The following SLC24A2 variants were observed in gnomAD, a reference collection of about 807,000 sequenced individuals.
SLC24A2 encodes solute carrier family 24 member 2.
Under a neutral mutation model 62.0 loss-of-function variants are expected in SLC24A2, and 36 were observed. The ratio of observed to expected loss-of-function variants is 0.58; its 90% CI spans 0.44 to 0.77. SLC24A2 has a LOEUF of 0.77. SLC24A2 is among the 30% of genes least tolerant of loss of function. SLC24A2 has a pLI of 0.00. For synonymous variants in SLC24A2, 358 were observed against 294.0 expected (o/e 1.22, Z -2.23); for missense variants, 846 against 817.9 (o/e 1.03, Z -0.42).
the SLC24A2 span, among the ~76,000 whole-genome samples, chr9:19,803,541 G>A: frequency 2.6e-5 from 4 of 152,034 alleles, no homozygotes; most frequent in African/African-American, 9.7e-5. Context: ...TAAAAAATCT[G>A]GATATTTTAA....
chr9:19,577,767 A>G (rs2132854900), intron 5 of SLC24A2, among the ~76,000 whole-genome samples: 1 of 151,700 alleles, frequency 6.6e-6, no homozygotes, highest in African/African-American at 2.4e-5. Flanking sequence ...ACAGTTGCAA[A>G]GTGGTGGAAC....
the SLC24A2 span, among the ~76,000 whole-genome samples, chr9:19,989,938 C>T: frequency 6.6e-6 from 1 of 152,038 alleles, no homozygotes; most frequent in Non-Finnish European, 1.5e-5. Context: ...CAGGTAAGTG[C>T]CTAGAATGTC....
the SLC24A2 span, among the ~76,000 whole-genome samples, chr9:20,030,697 C>G: frequency 6.6e-6 from 1 of 152,182 alleles, no homozygotes; most frequent in Non-Finnish European, 1.5e-5. Context: ...TCTGTAAATA[C>G]TACCTCATTT....
the SLC24A2 span, among the ~76,000 whole-genome samples, chr9:20,070,405 T>G: frequency 2.6e-5 from 4 of 152,226 alleles, no homozygotes; most frequent in Non-Finnish European, 4.4e-5. Flanking sequence ...CTCTTATCAT[T>G]GTAAAAATAA....
At chr9:19,595,786 G>C (rs72700502) in intron 5 of SLC24A2, among the ~76,000 whole-genome samples, 1 of 152,194 alleles carries the variant, frequency 6.6e-6, no homozygotes, top group Non-Finnish European at 1.5e-5. Flanking sequence ...TAATGGACAG[G>C]ATGGAGGAAA....
At chr9:19,770,436 A>G (rs1822651245) in intron 2 of SLC24A2, among the ~76,000 whole-genome samples, 1 of 152,166 alleles carries the variant, frequency 6.6e-6, no homozygotes, top group Non-Finnish European at 1.5e-5. Flanking sequence ...AATCCTTTCT[A>G]TAAAGACTAT....
At chr9:20,236,123 A>G in the SLC24A2 span, among the ~76,000 whole-genome samples, 1 of 152,218 alleles carries the variant, frequency 6.6e-6, no homozygotes, top group Non-Finnish European at 1.5e-5. Context: ...TTAATAAAGT[A>G]TCTATCAGCA....
chr9:20,079,193 A>G, the SLC24A2 span, among the ~76,000 whole-genome samples: 1 of 152,304 alleles, frequency 6.6e-6, no homozygotes, highest in South Asian at 2.1e-4. Context: ...TGGAAGAGGC[A>G]AGGAGGGATG....
chr9:19,970,727 C>T, the SLC24A2 span, among the ~76,000 whole-genome samples: 1 of 152,122 alleles, frequency 6.6e-6, no homozygotes, highest in African/African-American at 2.4e-5. Flanking sequence ...AAAAATGAAT[C>T]TATTTTCTGT....
At chr9:20,106,138 A>T in the SLC24A2 span, among the ~76,000 whole-genome samples, 1 of 152,352 alleles carries the variant, frequency 6.6e-6, no homozygotes, top group Non-Finnish European at 1.5e-5. Context: ...CCCTCCCAAG[A>T]CTAAACCAGG....
chr9:19,868,453 T>C, the SLC24A2 span, among the ~76,000 whole-genome samples: 1 of 152,224 alleles, frequency 6.6e-6, no homozygotes, highest in Non-Finnish European at 1.5e-5. Flanking sequence ...GAATTTGCCT[T>C]CTGCAGTCAC....
At chr9:19,827,261 T>C in the SLC24A2 span, among the ~76,000 whole-genome samples, 119,106 of 151,932 alleles carry the variant, frequency 0.78, 49,946 homozygotes, top group Non-Finnish European at 0.94. Context: ...TATGAAGCTC[T>C]GATTAGGTTC....
At chr9:20,159,513 T>C in the SLC24A2 span, among the ~76,000 whole-genome samples, 1 of 151,612 alleles carries the variant, frequency 6.6e-6, no homozygotes, top group Non-Finnish European at 1.5e-5. Context: ...TGATAGAGCA[T>C]ATAACAGATT....
At chr9:20,277,987 C>A in the SLC24A2 span, among the ~76,000 whole-genome samples, 2 of 151,918 alleles carry the variant, frequency 1.3e-5, no homozygotes, top group African/African-American at 4.8e-5. Context: ...ACCACAAAGA[C>A]AGAAAACCAA....
the SLC24A2 span, among the ~76,000 whole-genome samples, chr9:19,963,330 A>G: frequency 2.6e-5 from 4 of 151,528 alleles, no homozygotes; most frequent in Middle Eastern, 3.2e-3. Flanking sequence ...TGTCTAAAAC[A>G]CCAAAAGCAA....
At chr9:19,546,822 T>G (rs1834600986) in intron 8 of SLC24A2, among the ~76,000 whole-genome samples, 1 of 152,132 alleles carries the variant, frequency 6.6e-6, no homozygotes, top group African/African-American at 2.4e-5. Context: ...CCCAGGACAC[T>G]GGAGGGTATC....
At chr9:20,215,316 C>T in the SLC24A2 span, among the ~76,000 whole-genome samples, 6 of 152,280 alleles carry the variant, frequency 3.9e-5, no homozygotes, top group Middle Eastern at 3.4e-3. Flanking sequence ...AGAATTTCAA[C>T]GTATGAATTT....
chr9:19,791,131 G>C (rs1823315397), upstream of SLC24A2, among the ~76,000 whole-genome samples: 1 of 152,190 alleles, frequency 6.6e-6, no homozygotes, highest in Non-Finnish European at 1.5e-5. Context: ...TTATAAAATA[G>C]CTTCAAGATG....
the SLC24A2 span, among the ~76,000 whole-genome samples, chr9:20,038,497 T>C: frequency 2.6e-5 from 4 of 152,276 alleles, no homozygotes; most frequent in East Asian, 7.7e-4. Context: ...TCTCTGCAGG[T>C]GACCCTACGA....
Sources: allele counts gnomAD v4.1 joint callset (sites outside exome capture counted in the v4.1 genomes callset), GRCh38; gene constraint gnomAD v4.1.1; transcripts MANE v1.5; gene names NCBI Gene and HGNC (gene_info 2026-07-23, HGNC 2026-07-21).